ACVR2A: variants seen among roughly 807,000 people sequenced by gnomAD.
ACVR2A encodes activin receptor type-2A.
A neutral mutation model predicts 61.4 loss-of-function variants in ACVR2A; 7 were observed. That is an observed-to-expected ratio of 0.11 (90% CI 0.06 to 0.21). The LOEUF is 0.21. Among genes scored for constraint, ACVR2A ranks in the 10% least tolerant of loss-of-function variants. The probability of loss-of-function intolerance (pLI) is 1.00; values close to 1 mark genes in which losing one functional copy is unlikely to be tolerated. For synonymous variants in ACVR2A, 193 were observed against 208.3 expected, an observed-to-expected ratio of 0.93 and a Z score of 0.63; for missense variants, 322 against 621.7, an observed-to-expected ratio of 0.52 and a Z score of 5.13.
At chr2:147,873,266 A>T (rs1686068099) in intron 1 of ACVR2A, among the ~76,000 whole-genome samples, 1 of 151,988 alleles carries the variant, frequency 6.6e-6, no homozygotes, top group Non-Finnish European at 1.5e-5. Context: ...CCAAAAAATG[A>T]AATTTCAGAT....
intron 1 of ACVR2A, among the ~76,000 whole-genome samples, chr2:147,849,513 G>C (rs976438423): frequency 6.6e-6 from 1 of 152,044 alleles, no homozygotes; most frequent in South Asian, 2.1e-4. Flanking sequence ...TTTGGTTACC[G>C]TTAGACTAAT....
chr2:147,845,448 G>A (rs1220735631), intron 1 of ACVR2A, among the ~76,000 whole-genome samples: 1 of 150,154 alleles, frequency 6.7e-6, no homozygotes, highest in Admixed American at 6.8e-5. Context: ...TGAGTGCTGT[G>A]TTGTTGTGGA....
chr2:147,853,311 A>C (rs1354164004), intron 1 of ACVR2A, among the ~76,000 whole-genome samples: 1 of 152,134 alleles, frequency 6.6e-6, no homozygotes, highest in Non-Finnish European at 1.5e-5. Flanking sequence ...TGTGAAGTCT[A>C]GTTAAAGAAT....
At chr2:147,922,613 G>T (rs1011581239) in intron 8 of ACVR2A, among the ~76,000 whole-genome samples, 4 of 151,766 alleles carry the variant, frequency 2.6e-5, no homozygotes, top group African/African-American at 9.7e-5. Context: ...CATTTTATTA[G>T]TTTTTTTAAT....
chr2:147,912,127 A>G (rs1239453072), intron 4 of ACVR2A, among the ~76,000 whole-genome samples: 8 of 152,010 alleles, frequency 5.3e-5, no homozygotes, highest in African/African-American at 1.9e-4. Context: ...TAAAATGATC[A>G]GAGATGACTT....
intron 4 of ACVR2A, chr2:147,900,478 G>A (rs1424740060): frequency 2.0e-5 from 3 of 152,280 alleles, no homozygotes; most frequent in African/African-American, 4.8e-5. Flanking sequence ...CTCATATCAA[G>A]TGTGTACTGA....
chr2:147,864,881 T>C (rs1685814113), intron 1 of ACVR2A, among the ~76,000 whole-genome samples: 1 of 152,184 alleles, frequency 6.6e-6, no homozygotes, highest in Non-Finnish European at 1.5e-5. Flanking sequence ...AAGTTTTTAA[T>C]TGTCTAAGAA....
In ACVR2A at chr2:147,896,313, G is replaced by A. The variant is rs1036539489; in HGVS notation, c.68G>A (p.Gly23Asp). The A allele has an allele frequency of 2.5e-6, 4 of 1,613,226 alleles. No homozygotes were observed. Among genetic ancestry groups the A allele is most frequent in the Non-Finnish European group, 3.4e-6 (4 of 1,179,470 alleles). ...TATTATCTTATAGGTGCTATACTTGGTAGATCAGAAACTCAGGAGTGTCTT... is the reference window on the plus strand; with the variant it reads ...TATTATCTTATAGGTGCTATACTTGATAGATCAGAAACTCAGGAGTGTCTT... ...LISCSSGAIL[G>D]RSETQECLFF... Residue 23 changes from glycine (G) to aspartate (D), a missense_variant, in exon 2 of 11, where the codon GGT becomes GAT. By Grantham distance (94) the Gly-to-Asp change is moderately conservative. Transcript: ENST00000241416.
At chr2:147,915,113 C>T (rs988877127) in intron 4 of ACVR2A, 78 bp from the exon 5 acceptor site, 4 of 1,394,282 alleles carry the variant, frequency 2.9e-6, no homozygotes, top group African/African-American at 1.5e-5. Context: ...TTTCAGTATA[C>T]TCACTTTTTT....
chr2:147,894,063 G>GT (rs1177566316), intron 1 of ACVR2A, among the ~76,000 whole-genome samples: 1 of 152,088 alleles, frequency 6.6e-6, no homozygotes, highest in East Asian at 1.9e-4. Flanking sequence ...GGTTGAAGTT[G>GT]TTTGTTTTTT....
intron 1 of ACVR2A, among the ~76,000 whole-genome samples, chr2:147,891,820 G>C (rs1686589961): frequency 6.6e-6 from 1 of 152,124 alleles, no homozygotes; most frequent in Admixed American, 6.5e-5. Flanking sequence ...GATAACAGTG[G>C]GGGCATTGAA....
In ACVR2A at chr2:147,929,552, CTTTT is replaced by C. The variant is rs972875570; in HGVS notation, c.*2279_*2282del. ...GCTAACCAATTTTAAAACTTGTATT[CTTTT>C]GAGAACTATTATTAATAGAAAAACT... On this transcript the variant is annotated 3_prime_UTR_variant, in exon 11 of 11. Transcript: ENST00000241416. 4 of 152,252 alleles carry C rather than the reference CTTTT, an allele frequency of 2.6e-5. No individual in the cohort carries two copies. Among genetic ancestry groups the C allele is most frequent in the African/African-American group, 9.7e-5 (4 of 41,344 alleles). 9.4% of individuals were successfully genotyped at this position (152,252 alleles called of 1,614,324 possible). A position where few individuals can be genotyped will look rare whatever the true frequency, so the allele number is the denominator to read the frequency against.
chr2:147,848,770 C>T (rs1573908282), intron 1 of ACVR2A, among the ~76,000 whole-genome samples: 1 of 151,708 alleles, frequency 6.6e-6, no homozygotes, highest in East Asian at 1.9e-4. Context: ...ACGAGTTTAC[C>T]CATGTAACAG....
chr2:147,879,200 A>G (rs1000701404), intron 1 of ACVR2A, among the ~76,000 whole-genome samples: 1 of 152,138 alleles, frequency 6.6e-6, no homozygotes, highest in African/African-American at 2.4e-5. Flanking sequence ...TGTTGCTATT[A>G]CAGAATACCT....
chr2:147,871,349 AT>A (rs1686011746), intron 1 of ACVR2A, among the ~76,000 whole-genome samples: 1 of 152,142 alleles, frequency 6.6e-6, no homozygotes, highest in Non-Finnish European at 1.5e-5. Context: ...TTTATTGTGC[AT>A]TTAGCTCCTG....
At chr2:147,852,316 A>G (rs1685469110) in intron 1 of ACVR2A, among the ~76,000 whole-genome samples, 1 of 152,038 alleles carries the variant, frequency 6.6e-6, no homozygotes, top group Non-Finnish European at 1.5e-5. Flanking sequence ...CAGGACACTT[A>G]TGTATTTTTA....
chr2:147,899,058 TTTGTA>T (rs1686812854), intron 2 of ACVR2A, among the ~76,000 whole-genome samples: 1 of 152,128 alleles, frequency 6.6e-6, no homozygotes, highest in Non-Finnish European at 1.5e-5. Flanking sequence ...GTTTTCAGTT[TTTGTA>T]TTCACAGAAT....
intron 7 of ACVR2A, 86 bp from the exon 8 acceptor site, chr2:147,920,144 A>T: frequency 2.4e-6 from 2 of 839,332 alleles, no homozygotes; most frequent in Non-Finnish European, 3.9e-6. Flanking sequence ...TTCATAGTGT[A>T]CATATTCCCC....
intron 1 of ACVR2A, among the ~76,000 whole-genome samples, chr2:147,845,658 TC>T (rs1685293504): frequency 6.6e-6 from 1 of 152,176 alleles, no homozygotes; most frequent in Non-Finnish European, 1.5e-5. Context: ...ACGACATAGA[TC>T]AAGCCAGTTG....
Sources: allele counts gnomAD v4.1 joint callset (sites outside exome capture counted in the v4.1 genomes callset), GRCh38; gene constraint gnomAD v4.1.1; transcripts MANE v1.5; gene names NCBI Gene and HGNC (gene_info 2026-07-23, HGNC 2026-07-21).